The following PAPLN variants were observed in gnomAD, a reference collection of about 807,000 sequenced individuals.
PAPLN encodes the protein papilin, proteoglycan like sulfated glycoprotein.
PAPLN carries 146 observed loss-of-function variants against 159.0 expected under a neutral mutation model. The observed-to-expected ratio is 0.92, with a 90% CI of 0.80 to 1.05. The LOEUF (loss-of-function observed/expected upper bound fraction) is 1.05. PAPLN is among the 50% of genes least tolerant of loss of function. The pLI is 0.00. For synonymous variants in PAPLN, 734 were observed against 702.9 expected, an observed-to-expected ratio of 1.04 and a Z score of -0.70; for missense variants, 1,720 against 1,743.9, an observed-to-expected ratio of 0.99 and a Z score of 0.24.
Position 73,244,675 on chromosome 14 carries a change from G to C in PAPLN, c.86G>C (p.Trp29Ser). 1 of 1,595,188 alleles carries C rather than the reference G, an allele frequency of 6.3e-7. No individual in the cohort carries two copies. The highest frequency in any genetic ancestry group is 2.3e-5 in the East Asian group (1 of 43,718). Residue 29 changes from tryptophan (W) to serine (S), a missense_variant, in exon 3 of 27, where the codon TGG (tryptophan) becomes TCG (serine). Transcript: ENST00000644200. ...AAGGTGAGGCGGCAGAGTGACACCT[G>C]GGGACCCTGGAGCCAGTGGAGCCCC... ...APKVRRQSDTWGPWSQWSPCS... is the reference protein window; with the variant it reads ...APKVRRQSDTSGPWSQWSPCS...
intron 14 of PAPLN, among the ~76,000 whole-genome samples, chr14:73,256,147 T>A (rs1393754921): frequency 6.6e-6 from 1 of 152,170 alleles, no homozygotes; most frequent in Non-Finnish European, 1.5e-5. Context: ...CAGCTCTCCA[T>A]GGAGCCAGTC....
chr14:73,239,045 C>T (rs927714775), intron 1 of PAPLN, among the ~76,000 whole-genome samples: 2 of 152,208 alleles, frequency 1.3e-5, no homozygotes, highest in Admixed American at 1.3e-4. Context: ...CCAGACTGCA[C>T]ATGGACCCGC....
rs1884137483 is a variant in PAPLN, at chr14:73,245,563, C to A, written c.171-73C>A. ...TGGAGAGTCCCGCAGAAGTTGGGGC[C>A]TGCAGAGAGCCCCAGAACGGGGGCA... is the stretch of plus-strand genomic sequence containing the variant. On this transcript the variant is annotated intron_variant, in intron 3 of 26. Transcript: ENST00000644200. The surrounding 1 kb of genome is among the most constrained non-coding windows in gnomAD (Gnocchi z 4.2). 1.3e-6 allele frequency: 2 copies of A among 1,490,114 alleles called. No individual in the cohort carries two copies. Among genetic ancestry groups the A allele is most frequent in the South Asian group, 1.2e-5 (1 of 82,438 alleles). The allele number at this position is 1,490,114 out of a possible 1,614,324, so 92.3% of individuals were successfully genotyped here. A position where few individuals can be genotyped will look rare whatever the true frequency, so the allele number is the denominator to read the frequency against.
At chr14:73,244,855 T>TA in intron 3 of PAPLN, 96 bp downstream of exon 3, 3 of 930,992 alleles carry the variant, frequency 3.2e-6, no homozygotes, top group South Asian at 1.7e-5. Context: ...AGGCTAGCAC[T>TA]GGCCACATCA....
In PAPLN at chr14:73,273,352, G is replaced by A; in HGVS notation, c.*688G>A. ...CTTGCCCAGGCTGGAGTACAATGGT[G>A]CGATCTTGGCTCACTGCAACCTCCA... On this transcript the variant is annotated 3_prime_UTR_variant, in exon 27 of 27. Coordinates refer to ENST00000644200, the MANE Select transcript of PAPLN (RefSeq NM_001365906.3). The A allele has an allele frequency of 6.6e-6, 1 of 151,358 alleles. No individual in the cohort carries two copies. Among genetic ancestry groups the A allele is most frequent in the South Asian group, 2.1e-4 (1 of 4,800 alleles). The allele number at this position is 151,358 out of a possible 1,614,324, so 9.4% of individuals were successfully genotyped here.
rs1265803924 is a variant in PAPLN at position 73,245,143 on chromosome 14, T to G, written c.170+384T>G. The stretch of plus-strand genomic sequence containing the variant: ...TTCAAGCGATTTATTAAATGCTTGC[T>G]GTGTGTGCTGCACTCCGGCAGGGTC... On this transcript the variant is annotated intron_variant, in intron 3 of 26. Transcript: ENST00000644200. The surrounding 1 kb of genome is among the most constrained non-coding windows in gnomAD (Gnocchi z 4.2). 3.3e-5 allele frequency: 7 copies of G among 213,164 alleles called. No homozygotes were observed. Among genetic ancestry groups the G allele is most frequent in the Non-Finnish European group, 6.7e-5 (7 of 104,758 alleles). 13.2% of individuals were successfully genotyped at this position (213,164 alleles called of 1,614,324 possible). A position where few individuals can be genotyped will look rare whatever the true frequency, so the allele number is the denominator to read the frequency against.
chr14:73,272,514 G>A lies in PAPLN; in HGVS notation c.3687G>A (p.Arg1229=). The change falls in exon 27 of 27, where the codon AGG becomes AGA. Residue 1229 remains arginine, a synonymous_variant. Transcript: ENST00000644200. The part of the protein sequence containing the change: ...VVSPAPTAQP[R]DPGRDCVDQP... ...CTGCAGCACCCACCGCCCAGCCCAG[G>A]GACCCTGGCAGGGACTGCGTCGACC... 2 of 1,562,656 alleles carry A rather than the reference G, an allele frequency of 1.3e-6. No homozygotes were observed. Among genetic ancestry groups the A allele is most frequent in the African/African-American group, 1.3e-5 (1 of 74,158 alleles).
rs770481843 is a variant in PAPLN, at chr14:73,259,482, G to T, written c.1922G>T (p.Gly641Val). The T allele has an allele frequency of 6.8e-6, 11 of 1,607,746 alleles. No homozygotes were observed. The East Asian group carries it at 2.5e-4, about 36-fold the overall frequency. Residue 641 changes from glycine (G) to valine (V), a missense_variant, in exon 16 of 27, where the codon GGC (glycine) becomes GTC (valine). By Grantham distance (109) the Gly-to-Val change is moderately radical. Coordinates refer to ENST00000644200, the MANE Select transcript of PAPLN (RefSeq NM_001365906.3). Reference protein sequence around the residue: ...RHSPHGCCPDGHTASLGPQWQ... With the variant: ...RHSPHGCCPDVHTASLGPQWQ... Reference sequence around the variant, plus strand: ...AGTCCTCACGGGTGCTGCCCCGATGGCCACACGGCATCTCTCGGGCCTCAG... The same window carrying T: ...AGTCCTCACGGGTGCTGCCCCGATGTCCACACGGCATCTCTCGGGCCTCAG...
At chr14:73,241,854 T>G (rs1324395209) in intron 2 of PAPLN, among the ~76,000 whole-genome samples, 3 of 152,242 alleles carry the variant, frequency 2.0e-5, no homozygotes, top group African/African-American at 7.2e-5. Context: ...GCATGTGTTC[T>G]GTCTCTCTCT....
chr14:73,250,844 G>T, intron 6 of PAPLN, 63 bp from the exon 7 acceptor site: 2 of 1,519,504 alleles, frequency 1.3e-6, no homozygotes, highest in Non-Finnish European at 1.8e-6. Context: ...AGGATGCGAC[G>T]GGGCCCAAGG....
Position 73,262,557 on chromosome 14 carries a change from C to T in PAPLN, c.2453C>T (p.Ala818Val). ...LHGPRRPQPG[A>V]SGRSTHTDGG... ...GGGCCCCGTCGTCCCCAGCCTGGGG[C>T]TTCTGGAAGGAGCACCCACACGGAT... The change falls in exon 19 of 27, where the codon GCT (alanine) becomes GTT (valine). Residue 818 changes from alanine (A) to valine (V), a missense_variant. Coordinates refer to ENST00000644200, the MANE Select transcript of PAPLN (RefSeq NM_001365906.3). 2 of 1,567,746 alleles carry T rather than the reference C, an allele frequency of 1.3e-6. No individual in the cohort carries two copies. Among genetic ancestry groups the T allele is most frequent in the Non-Finnish European group, 1.7e-6 (2 of 1,155,630 alleles).
At chr14:73,249,785 C>A in intron 5 of PAPLN, 199 bp from the exon 6 acceptor site, 1 of 361,944 alleles carries the variant, frequency 2.8e-6, no homozygotes, top group Non-Finnish European at 4.6e-6. Flanking sequence ...TGGGATTTTT[C>A]TTCGACTTGA....
At position 73,254,898 on chromosome 14, in the gene PAPLN, G is replaced by A; in HGVS notation, c.1507G>A (p.Gly503Ser). The change falls in exon 14 of 27, where the codon GGC (glycine) becomes AGC (serine). Residue 503 changes from glycine to serine, a missense_variant. Gly to Ser is a moderately conservative substitution (Grantham distance 56). Transcript: ENST00000644200. ...WGLCSKSCSS[G>S]TRRRQVICAI... Reference sequence around the variant, plus strand: ...TCAGTGCTCCAAGAGCTGCAGCTCGGGCACTCGGAGGCGACAGGTCATCTG... The same window carrying A: ...TCAGTGCTCCAAGAGCTGCAGCTCGAGCACTCGGAGGCGACAGGTCATCTG... 6.2e-7 allele frequency: 1 copy of A among 1,612,452 alleles called. No homozygotes were observed. The highest frequency in any genetic ancestry group is 8.5e-7 in the Non-Finnish European group (1 of 1,179,950).
intron 5 of PAPLN, 112 bp downstream of exon 5, chr14:73,246,287 A>C (rs1884312345): frequency 1.1e-6 from 1 of 936,324 alleles, no homozygotes; most frequent in Non-Finnish European, 1.5e-6. Flanking sequence ...TATTAGAGAC[A>C]GTCTCACTGT....
intron 5 of PAPLN, among the ~76,000 whole-genome samples, chr14:73,248,830 G>GA (rs953605371): frequency 2.0e-5 from 3 of 148,020 alleles, no homozygotes; most frequent in African/African-American, 5.0e-5. Flanking sequence ...TCCAAAAGAA[G>GA]AAAAAAAAAT....
chr14:73,247,376 G>A (rs932078040), intron 5 of PAPLN, among the ~76,000 whole-genome samples: 6 of 152,218 alleles, frequency 3.9e-5, no homozygotes, highest in Non-Finnish European at 8.8e-5. Context: ...CTGAGTGTTC[G>A]TTTTCCCTGC....
Position 73,244,720 on chromosome 14 carries a change from G to A in PAPLN, c.131G>A (p.Gly44Glu). 5 of 1,594,330 alleles carry A rather than the reference G, an allele frequency of 3.1e-6. No individual in the cohort carries two copies. The highest frequency in any genetic ancestry group is 4.3e-6 in the Non-Finnish European group (5 of 1,170,836). Reference protein sequence around the residue: ...QWSPCSRTCGGGVSFRERPCY... With the variant: ...QWSPCSRTCGEGVSFRERPCY... Reference sequence around the variant, plus strand: ...AGCCCCTGCAGCCGGACCTGTGGAGGGGGTGTCAGCTTCCGGGAGCGCCCC... The same window carrying A: ...AGCCCCTGCAGCCGGACCTGTGGAGAGGGTGTCAGCTTCCGGGAGCGCCCC... The change falls in exon 3 of 27, where the codon GGG (glycine) becomes GAG (glutamate). Residue 44 changes from glycine (G) to glutamate (E), a missense_variant. Transcript: ENST00000644200.
intron 25 of PAPLN, 91 bp downstream of exon 25, chr14:73,266,922 C>G: frequency 8.1e-7 from 1 of 1,228,056 alleles, no homozygotes; most frequent in Non-Finnish European, 1.2e-6. Context: ...GTCACTGTCA[C>G]CACTGCTTCC....
chr14:73,239,696 G>A, intron 1 of PAPLN, 77 bp from the exon 2 acceptor site: 1 of 1,527,916 alleles, frequency 6.5e-7, no homozygotes, highest in Non-Finnish European at 8.7e-7. Flanking sequence ...AGGGAGAGAC[G>A]CGCCCACACA....
Sources: gnomAD v4.1 joint callset for allele counts (sites outside exome capture counted in the v4.1 genomes callset) on GRCh38, gnomAD v4.1.1 for gene constraint, Gnocchi (gnomAD v3.1) non-coding constraint, MANE v1.5 for transcripts, NCBI Gene and HGNC (gene_info 2026-07-23, HGNC 2026-07-21) for gene names.